The following CLTCL1 variants were observed in gnomAD, a reference collection of about 807,000 sequenced individuals.
CLTCL1 encodes clathrin heavy chain 2.
In CLTCL1, 159 loss-of-function variants were observed where a neutral mutation model predicts 190.0. The ratio of observed to expected loss-of-function variants is 0.84; its 90% CI spans 0.74 to 0.95. The LOEUF is 0.95. Ranked by LOEUF, CLTCL1 falls within the 40% of genes least tolerant of loss-of-function variation. CLTCL1 has a pLI of 0.00. For synonymous variants in CLTCL1, 752 were observed against 769.6 expected (o/e 0.98, Z 0.38); for missense variants, 1,878 against 2,033.4 (o/e 0.92, Z 1.47).
chr22:19,239,296 AT>A lies in CLTCL1; in HGVS notation c.773del (p.Asn258MetfsTer18). The A allele has an allele frequency of 6.2e-7, 1 of 1,613,884 alleles. No individual in the cohort carries two copies. The highest frequency in any genetic ancestry group is 2.2e-5 in the East Asian group (1 of 44,886). On this transcript the variant is annotated frameshift_variant, in exon 5 of 33. Transcript: ENST00000427926. LOFTEE classifies it high-confidence loss of function. ...GTACCTGCATAGCCACTGGAAAATC[AT>A]TCTGTGCCTCTGGAGGAAAAAACAC... Reference protein sequence around the residue: ...VDVFFPPEAQNDFPVAMQIGA... With the variant: ...VDVFFPPEAQXDFPVAMQIGA...
intron 19 of CLTCL1, among the ~76,000 whole-genome samples, chr22:19,214,492 A>G (rs1346040702): frequency 6.6e-6 from 1 of 151,948 alleles, no homozygotes; most frequent in Non-Finnish European, 1.5e-5. Context: ...TGTGTTGCAA[A>G]TATCTTCCCC....
At chr22:19,224,997 G>C (rs1196861622) in intron 13 of CLTCL1, among the ~76,000 whole-genome samples, 2 of 152,144 alleles carry the variant, frequency 1.3e-5, no homozygotes, top group Non-Finnish European at 2.9e-5. Context: ...AGACAACCAG[G>C]TTACCTTGTC....
chr22:19,196,747 T>C (rs1171974045), intron 24 of CLTCL1, 91 bp from the exon 25 acceptor site: 1 of 1,412,742 alleles, frequency 7.1e-7, no homozygotes. Context: ...GGGACTGTGC[T>C]TGTGACTGGG....
intron 2 of CLTCL1, chr22:19,257,727 AG>A: frequency 8.3e-7 from 1 of 1,211,258 alleles, no homozygotes; most frequent in African/African-American, 1.7e-5. Context: ...TGGGATGGCC[AG>A]GGGTCTGGCA....
intron 29 of CLTCL1, among the ~76,000 whole-genome samples, chr22:19,185,236 C>A (rs1555927736): frequency 4.1e-4 from 63 of 152,238 alleles, no homozygotes. Context: ...CAGCACCACG[C>A]CCTAAGCTGT....
At position 19,188,097 on chromosome 22, in the gene CLTCL1, A is replaced by G. The variant is rs2084373442; in HGVS notation, c.4324-6T>C. On this transcript the variant is annotated splice_polypyrimidine_tract_variant and splice_region_variant and intron_variant, in intron 27 of 32. Transcript: ENST00000427926. Reference sequence around the variant, plus strand: ...ACCAGGGGCAGCTGACCTGCCTGACAAGTTGAGGGAACCGTCAAGGCACTT... The same window carrying G: ...ACCAGGGGCAGCTGACCTGCCTGACGAGTTGAGGGAACCGTCAAGGCACTT... 6.2e-7 allele frequency: 1 copy of G among 1,613,684 alleles called. No individual in the cohort carries two copies. Among genetic ancestry groups the G allele is most frequent in the South Asian group, 1.1e-5 (1 of 91,078 alleles).
intron 10 of CLTCL1, 74 bp from the exon 11 acceptor site, chr22:19,230,049 C>T: frequency 7.4e-7 from 1 of 1,348,948 alleles, no homozygotes; most frequent in South Asian, 1.6e-5. Context: ...TGAAATAGTT[C>T]CTGAAATATT....
chr22:19,284,187 C>A (rs2146366675), intron 1 of CLTCL1, among the ~76,000 whole-genome samples: 1 of 152,294 alleles, frequency 6.6e-6, no homozygotes, highest in South Asian at 2.1e-4. Context: ...TTAAGTTGCA[C>A]TGAACATCCC....
chr22:19,181,108 G>C, intron 30 of CLTCL1: 1 of 410,190 alleles, frequency 2.4e-6, no homozygotes. Context: ...CTGCTTATGG[G>C]GGGCCAAGTC....
chr22:19,243,697 C>CT (rs1175325908), intron 3 of CLTCL1, among the ~76,000 whole-genome samples: 54,000 of 107,488 alleles, frequency 0.5, 14,070 homozygotes, highest in Middle Eastern at 0.59. Flanking sequence ...TTCTTTCTTT[C>CT]TTTTTTTTTT....
rs782521655 is a variant in CLTCL1 at position 19,188,100 on chromosome 22, T to C, written c.4324-9A>G. 1.9e-6 allele frequency: 3 copies of C among 1,613,760 alleles called. No homozygotes were observed. Among genetic ancestry groups the C allele is most frequent in the Middle Eastern group, 1.7e-4 (1 of 6,060 alleles). On this transcript the variant is annotated splice_polypyrimidine_tract_variant and intron_variant, in intron 27 of 32. Coordinates refer to ENST00000427926, the MANE Select transcript of CLTCL1 (RefSeq NM_007098.4). ...AGGGGCAGCTGACCTGCCTGACAAGTTGAGGGAACCGTCAAGGCACTTGGC... is the reference window on the plus strand; with the variant it reads ...AGGGGCAGCTGACCTGCCTGACAAGCTGAGGGAACCGTCAAGGCACTTGGC...
At chr22:19,244,030 C>T (rs1373159984) in intron 3 of CLTCL1, among the ~76,000 whole-genome samples, 2 of 152,142 alleles carry the variant, frequency 1.3e-5, no homozygotes, top group African/African-American at 2.4e-5. Context: ...AATTTCAGTA[C>T]ATTTATATCC....
Position 19,229,826 on chromosome 22 carries a change from C to T in CLTCL1, c.1782+12G>A. 6.3e-7 allele frequency: 1 copy of T among 1,595,912 alleles called. No homozygotes were observed. Among genetic ancestry groups the T allele is most frequent in the Non-Finnish European group, 8.5e-7 (1 of 1,173,446 alleles). On this transcript the variant is annotated intron_variant, in intron 11 of 32. Transcript: ENST00000427926. ...TGCTCTGCCTCTCGGTGTTAGCCTA[C>T]AAGTCACTGACCTGGGGTGCATGAA...
chr22:19,194,563 G>A (rs536555250), intron 26 of CLTCL1, among the ~76,000 whole-genome samples: 4 of 152,342 alleles, frequency 2.6e-5, no homozygotes, highest in East Asian at 1.9e-4. Flanking sequence ...GCTGGTTGGC[G>A]TGCTGTGCTG....
intron 29 of CLTCL1, 152 bp from the exon 30 acceptor site, chr22:19,183,763 T>A (rs2084220100): frequency 2.8e-6 from 2 of 725,076 alleles, no homozygotes; most frequent in Non-Finnish European, 4.6e-6. Context: ...GGCCATTCCC[T>A]ATGCCCTGCT....
intron 13 of CLTCL1, 97 bp downstream of exon 13, chr22:19,225,356 T>C: frequency 7.6e-7 from 1 of 1,318,984 alleles, no homozygotes; most frequent in Non-Finnish European, 1.0e-6. Flanking sequence ...TGCCTGGCTT[T>C]GCAGGAAGGC....
chr22:19,221,935 A>C lies in CLTCL1; in HGVS notation c.2561+16T>G, dbSNP rs2073757. ...AATCCAGGGGTAAGAGAAAACACCA[A>C]GTAAGGACACCTTACCTATTTCTTT... On this transcript the variant is annotated intron_variant, in intron 16 of 32. Transcript: ENST00000427926. 1.9e-3 allele frequency: 3,087 copies of C among 1,613,104 alleles called. 84 individuals carry two copies. In the East Asian group the frequency reaches 0.061, roughly 32 times the overall value.
chr22:19,226,659 C>G (rs2085755680), intron 11 of CLTCL1, among the ~76,000 whole-genome samples: 1 of 152,228 alleles, frequency 6.6e-6, no homozygotes, highest in African/African-American at 2.4e-5. Context: ...GTGAGAAAGG[C>G]TGAGGCTCCA....
chr22:19,183,808 G>A (rs560894985), intron 29 of CLTCL1, 197 bp from the exon 30 acceptor site: 50 of 605,902 alleles, frequency 8.3e-5, no homozygotes, highest in Admixed American at 4.9e-4. Flanking sequence ...ACCTCCGGAG[G>A]CTCTGGAGGG....
Sources: allele counts gnomAD v4.1 joint callset (sites outside exome capture counted in the v4.1 genomes callset), GRCh38; gene constraint gnomAD v4.1.1; transcripts MANE v1.5; gene names NCBI Gene and HGNC (gene_info 2026-07-23, HGNC 2026-07-21).